KIF1B: variants seen among roughly 807,000 people sequenced by gnomAD.
KIF1B encodes the protein kinesin family member 1B, also known as kinesin-like protein KIF1B.
A neutral mutation model predicts 241.9 loss-of-function variants in KIF1B; 76 were observed. The ratio of observed to expected loss-of-function variants is 0.31; its 90% confidence interval spans 0.26 to 0.38. The LOEUF (loss-of-function observed/expected upper bound fraction) is 0.38, where lower values mean the gene tolerates loss of function less well. Ranked by LOEUF, KIF1B falls within the 10% of genes least tolerant of loss-of-function variation. KIF1B has a pLI of 1.00. For synonymous variants in KIF1B, 750 were observed against 796.7 expected (o/e 0.94, Z 0.99); for missense variants, 1,622 against 2,271.4 (o/e 0.71, Z 5.81).
chr1:10,242,551 CT>C (rs2102151668), intron 2 of KIF1B, among the ~76,000 whole-genome samples: 1 of 152,232 alleles, frequency 6.6e-6, no homozygotes, highest in East Asian at 1.9e-4. Context: ...GAGTCTTGCC[CT>C]GTCACCCAGG....
intron 15 of KIF1B, 79 bp downstream of exon 15, chr1:10,282,612 T>G: frequency 8.3e-7 from 1 of 1,205,830 alleles, no homozygotes; most frequent in Non-Finnish European, 1.2e-6. Flanking sequence ...ATCACTAAGA[T>G]TTCGACTCAG....
intron 22 of KIF1B, chr1:10,307,442 T>C: frequency 5.1e-6 from 2 of 388,950 alleles, no homozygotes; most frequent in Non-Finnish European, 7.2e-6. Flanking sequence ...CCTGGGTAGC[T>C]GGGACTACAG....
At chr1:10,257,179 C>G (rs750428183) in intron 3 of KIF1B, among the ~76,000 whole-genome samples, 2 of 148,216 alleles carry the variant, frequency 1.3e-5, no homozygotes, top group African/African-American at 5.0e-5. Flanking sequence ...CCACCTGCCT[C>G]GACCTCTCAA....
chr1:10,284,861 C>CAA (rs367710763), intron 15 of KIF1B, among the ~76,000 whole-genome samples: 5 of 143,600 alleles, frequency 3.5e-5, no homozygotes, highest in East Asian at 2.0e-4. Context: ...GACTCCATCT[C>CAA]AAAAAAAAAA....
intron 31 of KIF1B, among the ~76,000 whole-genome samples, chr1:10,339,562 A>C (rs957732366): frequency 6.6e-6 from 1 of 152,218 alleles, no homozygotes. Flanking sequence ...GATCAGGGTC[A>C]GTTAATTTTT....
chr1:10,259,593 C>G (rs994079527), intron 4 of KIF1B, among the ~76,000 whole-genome samples: 5 of 151,778 alleles, frequency 3.3e-5, no homozygotes, highest in Non-Finnish European at 7.4e-5. Flanking sequence ...ACCTCCGCCT[C>G]CTGGGTTCAA....
chr1:10,303,992 A>T lies in KIF1B; in HGVS notation c.2115+6746A>T, dbSNP rs1331338788. 2.5e-6 allele frequency: 4 copies of T among 1,613,106 alleles called. No homozygotes were observed. The highest frequency in any genetic ancestry group is 3.4e-6 in the Non-Finnish European group (4 of 1,179,544). The stretch of plus-strand genomic sequence containing the variant: ...CGGTTTAAGAACTTGCAACAGCAGG[A>T]GATAACAAAGCAGCTTCGTCGGCAG... On this transcript the variant is annotated intron_variant, in intron 22 of 48. Transcript: ENST00000676179. This position sits in a 1 kb window ranked among gnomAD's most constrained non-coding sequence, Gnocchi z 5.2.
chr1:10,376,519 C>G (rs758663315), intron 48 of KIF1B, 26 bp from the exon 49 acceptor site: 2 of 1,612,878 alleles, frequency 1.2e-6, no homozygotes, highest in African/African-American at 2.7e-5. Flanking sequence ...GACTTCTAAT[C>G]CTACCTCCCC....
intron 2 of KIF1B, among the ~76,000 whole-genome samples, chr1:10,245,084 G>T (rs1647191541): frequency 6.6e-6 from 1 of 152,184 alleles, no homozygotes; most frequent in African/African-American, 2.4e-5. Context: ...ATCTTTAGTA[G>T]TTTGCCAACA....
chr1:10,224,274 G>A (rs984407187), intron 1 of KIF1B, among the ~76,000 whole-genome samples: 5 of 152,086 alleles, frequency 3.3e-5, no homozygotes, highest in African/African-American at 1.2e-4. Flanking sequence ...GTGTCACCAC[G>A]CCTGGCTAAT....
intron 15 of KIF1B, 72 bp downstream of exon 15, chr1:10,282,605 ACTAAGATTTCGACTC>A (rs1257591980): frequency 1.5e-6 from 2 of 1,302,720 alleles, no homozygotes; most frequent in African/African-American, 2.9e-5. Flanking sequence ...AGTAAAAATC[ACTAAGATTTCGACTC>A]AGCATATGGA....
chr1:10,379,741 A>G lies in KIF1B; in HGVS notation c.*3154A>G, dbSNP rs41310365. The G allele has an allele frequency of 0.026, 6,023 of 230,486 alleles. 86 individuals are homozygous for G. Among genetic ancestry groups the G allele is most frequent in the African/African-American group, 0.038 (1,740 of 45,282 alleles). 14.3% of individuals were successfully genotyped at this position (230,486 alleles called of 1,614,324 possible). A position where few individuals can be genotyped will look rare whatever the true frequency, so the allele number is the denominator to read the frequency against. On this transcript the variant is annotated 3_prime_UTR_variant, in exon 49 of 49. Transcript: ENST00000676179. ...TCTGTCTCTCATCCTCCTTTCTCCC[A>G]TCAAAGCAAAATATGGCCTCACCAC...
intron 16 of KIF1B, among the ~76,000 whole-genome samples, chr1:10,291,369 C>T (rs879566837): frequency 6.6e-6 from 1 of 152,044 alleles, no homozygotes; most frequent in Non-Finnish European, 1.5e-5. Flanking sequence ...TCTAGGGAGT[C>T]ACAGGTTTAT....
At chr1:10,286,032 C>A (rs1649673091) in intron 15 of KIF1B, among the ~76,000 whole-genome samples, 1 of 151,886 alleles carries the variant, frequency 6.6e-6, no homozygotes, top group Non-Finnish European at 1.5e-5. Flanking sequence ...TCATGTCACA[C>A]CATTGTAAAG....
At chr1:10,292,152 G>C (rs771627278) in intron 17 of KIF1B, 30 bp downstream of exon 17, 1 of 1,567,716 alleles carries the variant, frequency 6.4e-7, no homozygotes, top group Non-Finnish European at 8.8e-7. Context: ...AACCTAATCA[G>C]ACAGAGACAC....
In KIF1B at chr1:10,255,626, A is replaced by C. The variant is rs555202721; in HGVS notation, c.107-621A>C. ...GAAATAGAAATGTCGTTCATTTCCA[A>C]ATTTTGGCTGGTAACTTACCTAAGG... On this transcript the variant is annotated intron_variant, in intron 2 of 48. Coordinates refer to ENST00000676179, the MANE Select transcript of KIF1B (RefSeq NM_001365951.3). Among the ~76,000 whole-genome samples the C allele has an allele frequency of 3.3e-5, 5 of 152,234 alleles. No individual in the cohort carries two copies. In the South Asian group the frequency reaches 8.3e-4, roughly 25 times the overall value.
intron 3 of KIF1B, among the ~76,000 whole-genome samples, chr1:10,258,194 A>C (rs944132530): frequency 9.2e-5 from 14 of 152,224 alleles, no homozygotes; most frequent in African/African-American, 2.9e-4. Context: ...TGAATGAAAG[A>C]GTGATACTTT....
At position 10,296,468 on chromosome 1, in the gene KIF1B, G is replaced by A. The variant is rs995536408; in HGVS notation, c.1778-114G>A. The A allele has an allele frequency of 1.3e-5, 11 of 873,732 alleles. No homozygotes were observed. The Admixed American group carries it at 2.2e-4, about 18-fold the overall frequency. 54.1% of individuals were successfully genotyped at this position (873,732 alleles called of 1,614,324 possible). A position where few individuals can be genotyped will look rare whatever the true frequency, so the allele number is the denominator to read the frequency against. On this transcript the variant is annotated intron_variant, in intron 19 of 48. Coordinates refer to ENST00000676179, the MANE Select transcript of KIF1B (RefSeq NM_001365951.3). ...ACTGTATAGACAACTTCAGCCACTT[G>A]ATTGATTGCAGGGATTTATTCTACT...
rs376814487 is a variant in KIF1B at position 10,271,627 on chromosome 1, C to T, written c.798+48C>T. On this transcript the variant is annotated intron_variant, in intron 8 of 48. Transcript: ENST00000676179. ...GGCCTGATCAATAAATGGCCACTACCTGTTTTTGTAAATAAAATTTTATTG... is the reference window on the plus strand; with the variant it reads ...GGCCTGATCAATAAATGGCCACTACTTGTTTTTGTAAATAAAATTTTATTG... 26 of 1,232,782 alleles carry T rather than the reference C, an allele frequency of 2.1e-5. No individual in the cohort carries two copies. The African/African-American group carries it at 3.1e-4, about 15-fold the overall frequency. The allele number at this position is 1,232,782 out of a possible 1,614,324, so 76.4% of individuals were successfully genotyped here. A position where few individuals can be genotyped will look rare whatever the true frequency, so the allele number is the denominator to read the frequency against.
Sources: gnomAD v4.1 joint callset for allele counts (sites outside exome capture counted in the v4.1 genomes callset) on GRCh38, gnomAD v4.1.1 for gene constraint, Gnocchi (gnomAD v3.1) non-coding constraint, MANE v1.5 for transcripts, NCBI Gene and HGNC (gene_info 2026-07-23, HGNC 2026-07-21) for gene names.